The following SS18L2 variants were observed in gnomAD, a reference collection of about 807,000 sequenced individuals.
SS18L2 encodes the protein SS18 like 2.
SS18L2 carries 8 observed loss-of-function variants against 10.3 expected under a neutral mutation model. That is an observed-to-expected ratio of 0.78 (90% CI 0.46 to 1.41). SS18L2 has a LOEUF of 1.41. SS18L2 is among the 40% of genes most tolerant of loss of function. SS18L2 has a pLI of 0.00. For synonymous variants in SS18L2, 41 were observed against 34.6 expected, an observed-to-expected ratio of 1.19 and a Z score of -0.65; for missense variants, 100 against 96.2, an observed-to-expected ratio of 1.04 and a Z score of -0.17.
intron 1 of SS18L2, 55 bp downstream of exon 1, chr3:42,591,021 G>C: frequency 6.5e-7 from 1 of 1,538,032 alleles, no homozygotes; most frequent in South Asian, 1.2e-5. Flanking sequence ...ATCCCGAGGG[G>C]CTGCGGGGTG....
chr3:42,586,582 G>GT (rs771842136), upstream of SS18L2, among the ~76,000 whole-genome samples: 1 of 113,392 alleles, frequency 8.8e-6, no homozygotes, highest in Non-Finnish European at 1.7e-5. Flanking sequence ...TTCAGTCACT[G>GT]TTTAAAAAAA....
In SS18L2 at chr3:42,595,289, CT is replaced by C. The variant is rs1403702130; in HGVS notation, c.*787del. 6.6e-6 allele frequency among the ~76,000 whole-genome samples: 1 copy of C among 152,016 alleles called. No homozygotes were observed. Among genetic ancestry groups the C allele is most frequent in the Non-Finnish European group, 1.5e-5 (1 of 67,982 alleles). On this transcript the variant is annotated 3_prime_UTR_variant, in exon 3 of 3. Transcript: ENST00000011691. ...TCACTTAAAGAATACTTAATAGTTC[CT>C]TTTTTTCTTTATTTGTTGAAATAAC...
At chr3:42,591,322 C>T in intron 1 of SS18L2, 2 of 596,756 alleles carry the variant, frequency 3.4e-6, no homozygotes, top group Admixed American at 2.9e-5. Context: ...CCTCAGCCTC[C>T]TGAGTAGCTG....
At chr3:42,587,390 C>T (rs567602957), upstream of SS18L2, 1 of 152,296 alleles carries the variant, frequency 6.6e-6, no homozygotes, top group East Asian at 1.9e-4. Context: ...CTCACCCTAA[C>T]ACCATCTCAT....
At chr3:42,590,709 A>C (rs749339870), upstream of SS18L2, 72 of 657,930 alleles carry the variant, frequency 1.1e-4, no homozygotes, top group Non-Finnish European at 1.7e-4. Flanking sequence ...GGATACGAAA[A>C]CGCCCCCGGC....
intron 1 of SS18L2, among the ~76,000 whole-genome samples, chr3:42,583,081 C>T (rs991310740): frequency 2.0e-5 from 3 of 152,104 alleles, no homozygotes; most frequent in African/African-American, 4.8e-5. Context: ...TCCACTAGAG[C>T]GAATAGAAGG....
rs1206436253 is a variant in SS18L2 at position 42,595,969 on chromosome 3, G to A, written c.*1460G>A. On this transcript the variant is annotated 3_prime_UTR_variant, in exon 3 of 3. Transcript: ENST00000011691. ...TAATCTATGTTAGCACTAATGTGCTGAGGGCTCTGGCTCTTTCTTTTTTCT... is the reference window on the plus strand; with the variant it reads ...TAATCTATGTTAGCACTAATGTGCTAAGGGCTCTGGCTCTTTCTTTTTTCT... 6.6e-6 allele frequency among the ~76,000 whole-genome samples: 1 copy of A among 152,182 alleles called. No homozygotes were observed. Among genetic ancestry groups the A allele is most frequent in the Non-Finnish European group, 1.5e-5 (1 of 68,010 alleles).
In SS18L2 at chr3:42,596,028, T is replaced by G. The variant is rs1043280226; in HGVS notation, c.*1519T>G. Among the ~76,000 whole-genome samples the G allele has an allele frequency of 1.3e-5, 2 of 151,620 alleles. No homozygotes were observed. The highest frequency in any genetic ancestry group is 2.9e-5 in the Non-Finnish European group (2 of 67,916). Reference sequence around the variant, plus strand: ...TTTTTTTTGGTTTTGTTTTGTTTTGTTTTTGTTTTTGTTTTTTTTTGAGAC... The same window carrying G: ...TTTTTTTTGGTTTTGTTTTGTTTTGGTTTTGTTTTTGTTTTTTTTTGAGAC... On this transcript the variant is annotated 3_prime_UTR_variant, in exon 3 of 3. Transcript: ENST00000011691.
rs1704802375 is a variant in SS18L2, at chr3:42,590,919, G to A, written c.22G>A (p.Asp8Asn). Residue 8 changes from aspartate to asparagine, a missense_variant, in exon 1 of 3, where the codon GAC becomes AAC. Transcript: ENST00000011691. ...CGGGATGTCGGTGGCCTTCGTACCG[G>A]ACTGGCTGAGGGGCAAGGCGGAAGT... MSVAFVPDWLRGKAEVNQ... is the reference protein window; with the variant it reads MSVAFVPNWLRGKAEVNQ... 2 of 1,609,474 alleles carry A rather than the reference G, an allele frequency of 1.2e-6. No homozygotes were observed. Among genetic ancestry groups the A allele is most frequent in the Admixed American group, 1.7e-5 (1 of 59,614 alleles).
chr3:42,591,884 G>A (rs1207310569), intron 2 of SS18L2, among the ~76,000 whole-genome samples: 1 of 152,152 alleles, frequency 6.6e-6, no homozygotes, highest in Non-Finnish European at 1.5e-5. Flanking sequence ...ACAGGGATGG[G>A]GGTGAGAGCA....
At chr3:42,590,351 C>T (rs1474033215), upstream of SS18L2, among the ~76,000 whole-genome samples, 2 of 152,162 alleles carry the variant, frequency 1.3e-5, no homozygotes, top group Non-Finnish European at 1.5e-5. Context: ...GAGCAAACCG[C>T]TCCTGCAGAT....
chr3:42,582,972 C>T (rs1704476231), intron 1 of SS18L2, among the ~76,000 whole-genome samples: 1 of 152,078 alleles, frequency 6.6e-6, no homozygotes. Context: ...TGTGAATGTA[C>T]CAAATGCCAC....
intron 2 of SS18L2, 134 bp downstream of exon 2, chr3:42,591,735 T>G: frequency 1.4e-6 from 1 of 692,232 alleles, no homozygotes; most frequent in Non-Finnish European, 2.6e-6. Flanking sequence ...AAAGAGAGGC[T>G]CAAAGAGTTT....
upstream of SS18L2, among the ~76,000 whole-genome samples, chr3:42,586,842 T>C (rs1704628482): frequency 6.6e-6 from 1 of 152,214 alleles, no homozygotes; most frequent in South Asian, 2.1e-4. Context: ...CAACATCGTT[T>C]GACATCACCT....
In SS18L2 at chr3:42,596,827, A is replaced by G. The variant is rs186962756; in HGVS notation, c.*2318A>G. ...GTGATTTGTCTCAGGTCACATAACC[A>G]GTGGCAGAAAGAAGAGAATTGCTGG... On this transcript the variant is annotated 3_prime_UTR_variant, in exon 3 of 3. Transcript: ENST00000011691. 3.9e-5 allele frequency among the ~76,000 whole-genome samples: 6 copies of G among 152,352 alleles called. No homozygotes were observed. Among genetic ancestry groups the G allele is most frequent in the African/African-American group, 1.4e-4 (6 of 41,590 alleles).
chr3:42,594,362 T>C, intron 2 of SS18L2, 60 bp from the exon 3 acceptor site: 1 of 1,374,258 alleles, frequency 7.3e-7, no homozygotes, highest in Non-Finnish European at 1.0e-6. Context: ...TATTTTCCAG[T>C]TTTTTGTTCA....
chr3:42,589,007 G>A (rs1182007840), upstream of SS18L2, among the ~76,000 whole-genome samples: 1 of 152,094 alleles, frequency 6.6e-6, no homozygotes, highest in African/African-American at 2.4e-5. Context: ...GCTCACACCT[G>A]TAATCCCAGC....
At chr3:42,592,690 T>G (rs543962972) in intron 2 of SS18L2, among the ~76,000 whole-genome samples, 2 of 152,252 alleles carry the variant, frequency 1.3e-5, no homozygotes, top group Non-Finnish European at 2.9e-5. Context: ...TAAAAGTTTA[T>G]GGTAAATACC....
At chr3:42,582,170 T>C in intron 1 of SS18L2, 1 of 152,176 alleles carries the variant, frequency 6.6e-6, no homozygotes, top group Non-Finnish European at 1.5e-5. Context: ...CTCCCAACTT[T>C]CTTCCCACCT....
Sources: gnomAD v4.1 joint callset for allele counts (sites outside exome capture counted in the v4.1 genomes callset) on GRCh38, gnomAD v4.1.1 for gene constraint, MANE v1.5 for transcripts, NCBI Gene and HGNC (gene_info 2026-07-23, HGNC 2026-07-21) for gene names.